Variants in NCOA2 observed in about 807,000 individuals in gnomAD.
NCOA2 encodes the protein class E basic helix-loop-helix protein 75.
NCOA2 carries 21 observed loss-of-function variants against 145.1 expected under a neutral mutation model. That is an observed-to-expected ratio of 0.14 (90% CI 0.10 to 0.21). The LOEUF is 0.21. NCOA2 is among the 10% of genes least tolerant of loss of function. The probability of loss-of-function intolerance (pLI) is 1.00; values close to 1 mark genes in which losing one functional copy is unlikely to be tolerated. For synonymous variants in NCOA2, 619 were observed against 637.5 expected (o/e 0.97, Z 0.44); for missense variants, 1,472 against 1,837.6 (o/e 0.80, Z 3.64).
At chr8:70,273,398 G>GA in intron 2 of NCOA2, 1 of 754,994 alleles carries the variant, frequency 1.3e-6, no homozygotes. Flanking sequence ...CATGAACCAG[G>GA]AAAAACTCGC....
intron 1 of NCOA2, among the ~76,000 whole-genome samples, chr8:70,393,454 T>C (rs1441549861): frequency 6.6e-6 from 1 of 152,112 alleles, no homozygotes; most frequent in Non-Finnish European, 1.5e-5. Flanking sequence ...CCATCCTCTA[T>C]CTACCTACCA....
chr8:70,293,397 CA>C (rs1249226791), intron 2 of NCOA2, among the ~76,000 whole-genome samples: 1 of 152,158 alleles, frequency 6.6e-6, no homozygotes, highest in Non-Finnish European at 1.5e-5. Flanking sequence ...CCAATATGGT[CA>C]AAGTTTCTCT....
At chr8:70,304,614 C>T (rs775130371) in intron 1 of NCOA2, among the ~76,000 whole-genome samples, 8 of 151,792 alleles carry the variant, frequency 5.3e-5, no homozygotes, top group African/African-American at 7.3e-5. Context: ...TACAGGTGCC[C>T]GCCACCATGC....
chr8:70,270,565 G>T (rs896653218), intron 2 of NCOA2, among the ~76,000 whole-genome samples: 4 of 152,104 alleles, frequency 2.6e-5, no homozygotes, highest in African/African-American at 9.7e-5. Context: ...CGGGGTGGCT[G>T]GCGGGGGTGG....
intron 4 of NCOA2, among the ~76,000 whole-genome samples, chr8:70,212,304 C>T (rs1289860005): frequency 6.6e-6 from 1 of 152,014 alleles, no homozygotes; most frequent in Non-Finnish European, 1.5e-5. Flanking sequence ...ATTATTTTAT[C>T]CCTTTGCTGA....
In NCOA2 at chr8:70,110,215, C is replaced by T. The variant is rs1005528032; in HGVS notation, c.*3417G>A. The T allele has an allele frequency of 3.5e-5, 7 of 201,986 alleles. No homozygotes were observed. The highest frequency in any genetic ancestry group is 1.8e-4 in the Admixed American group (3 of 16,710). The allele number at this position is 201,986 out of a possible 1,614,324, so 12.5% of individuals were successfully genotyped here. A position where few individuals can be genotyped will look rare whatever the true frequency, so the allele number is the denominator to read the frequency against. ...TGTCTGAAGAAATGTATCATCATCA[C>T]TATTCAAACAACATAAAGGTTAAGT... On this transcript the variant is annotated 3_prime_UTR_variant, in exon 23 of 23. Transcript: ENST00000452400.
At chr8:70,414,865 T>G in the NCOA2 span, among the ~76,000 whole-genome samples, 1 of 152,194 alleles carries the variant, frequency 6.6e-6, no homozygotes, top group Non-Finnish European at 1.5e-5. Flanking sequence ...CAAGGACTTG[T>G]TATATTCATA....
chr8:70,224,062 T>A (rs1369717640), intron 2 of NCOA2, among the ~76,000 whole-genome samples: 2 of 152,216 alleles, frequency 1.3e-5, no homozygotes, highest in Non-Finnish European at 2.9e-5. Flanking sequence ...TAACTAATGC[T>A]CCAGGCACTG....
intron 6 of NCOA2, among the ~76,000 whole-genome samples, chr8:70,168,521 A>C (rs905770318): frequency 3.3e-5 from 5 of 152,126 alleles, no homozygotes; most frequent in African/African-American, 1.2e-4. Context: ...GGGTTTTGCC[A>C]TGTTGGCCAG....
intron 7 of NCOA2, 32 bp from the exon 8 acceptor site, chr8:70,163,598 T>G: frequency 1.9e-6 from 3 of 1,556,868 alleles, no homozygotes; most frequent in Non-Finnish European, 2.7e-6. Flanking sequence ...TTTATCATAT[T>G]GGGCTTTTCT....
chr8:70,224,226 T>G (rs1820408443), intron 2 of NCOA2, among the ~76,000 whole-genome samples: 1 of 152,236 alleles, frequency 6.6e-6, no homozygotes, highest in Non-Finnish European at 1.5e-5. Flanking sequence ...GAATTTATTA[T>G]GAAGCTATTA....
chr8:70,406,871 T>C (rs1298747914), upstream of NCOA2, among the ~76,000 whole-genome samples: 1 of 152,164 alleles, frequency 6.6e-6, no homozygotes, highest in Non-Finnish European at 1.5e-5. Flanking sequence ...GAGGTAACAG[T>C]ATGGTAAAAA....
intron 4 of NCOA2, among the ~76,000 whole-genome samples, chr8:70,203,166 C>T (rs111274542): frequency 0.022 from 3,261 of 148,494 alleles, 141 homozygotes; most frequent in African/African-American, 0.076. Flanking sequence ...AGGAGGCTGA[C>T]GCAGAAGAAT....
At chr8:70,423,247 G>A in the NCOA2 span, among the ~76,000 whole-genome samples, 4 of 152,062 alleles carry the variant, frequency 2.6e-5, no homozygotes, top group African/African-American at 4.8e-5. Flanking sequence ...GCAATGGCAC[G>A]ATCTTGGCTC....
intron 2 of NCOA2, among the ~76,000 whole-genome samples, chr8:70,264,833 C>CAA (rs139308550): frequency 5.1e-4 from 76 of 148,470 alleles, no homozygotes; most frequent in African/African-American, 1.9e-3. Context: ...ATATTATCAC[C>CAA]AAAAAAAAAC....
intron 4 of NCOA2, among the ~76,000 whole-genome samples, chr8:70,191,607 A>G (rs937416579): frequency 3.9e-5 from 6 of 152,222 alleles, no homozygotes; most frequent in Non-Finnish European, 8.8e-5. Flanking sequence ...TCTCTAAGAA[A>G]AGGAGGAAGA....
intron 1 of NCOA2, among the ~76,000 whole-genome samples, chr8:70,389,437 C>A (rs553189477): frequency 6.6e-4 from 100 of 151,982 alleles, no homozygotes; most frequent in African/African-American, 2.4e-3. Flanking sequence ...TGCGCCACCA[C>A]ACCTGGCTAA....
At chr8:70,266,222 G>A (rs1586305709) in intron 2 of NCOA2, among the ~76,000 whole-genome samples, 1 of 152,196 alleles carries the variant, frequency 6.6e-6, no homozygotes, top group African/African-American at 2.4e-5. Flanking sequence ...GAGTACAGTG[G>A]CACGATCACA....
the NCOA2 span, among the ~76,000 whole-genome samples, chr8:70,427,252 A>G: frequency 6.6e-6 from 1 of 152,250 alleles, no homozygotes; most frequent in African/African-American, 2.4e-5. Context: ...TGAGCATTTC[A>G]TTAAAACAGA....
Sources: allele counts gnomAD v4.1 joint callset (sites outside exome capture counted in the v4.1 genomes callset), GRCh38; gene constraint gnomAD v4.1.1; transcripts MANE v1.5; gene names NCBI Gene and HGNC (gene_info 2026-07-23, HGNC 2026-07-21).